KCNJ6: variants seen among roughly 807,000 people sequenced by gnomAD.
The protein encoded by KCNJ6 is potassium inwardly rectifying channel subfamily J member 6, also known as G protein-activated inward rectifier potassium channel 2.
Under a neutral mutation model 34.2 loss-of-function variants are expected in KCNJ6, and 9 were observed. That is an observed-to-expected ratio of 0.26 (90% CI 0.16 to 0.46). The LOEUF (loss-of-function observed/expected upper bound fraction) is 0.46. KCNJ6 is among the 20% of genes least tolerant of loss of function. The probability of loss-of-function intolerance (pLI) is 1.00; values close to 1 mark genes in which losing one functional copy is unlikely to be tolerated. For synonymous variants in KCNJ6, 196 were observed against 207.1 expected, an observed-to-expected ratio of 0.95 and a Z score of 0.46; for missense variants, 236 against 531.3, an observed-to-expected ratio of 0.44 and a Z score of 5.46.
chr21:37,888,983 G>A (rs2123632361), intron 1 of KCNJ6, among the ~76,000 whole-genome samples: 1 of 152,276 alleles, frequency 6.6e-6, no homozygotes, highest in African/African-American at 2.4e-5. Context: ...CCAGAAGCCT[G>A]CTTCCTCTCT....
intron 1 of KCNJ6, among the ~76,000 whole-genome samples, chr21:37,859,499 A>ATATATATG (rs2055582821): frequency 4.7e-5 from 1 of 21,352 alleles, no homozygotes; most frequent in African/African-American, 1.5e-4. Flanking sequence ...ATATATATAT[A>ATATATATG]TATATATATA....
At chr21:37,712,884 A>G (rs1413372307) in intron 3 of KCNJ6, among the ~76,000 whole-genome samples, 1 of 151,514 alleles carries the variant, frequency 6.6e-6, no homozygotes, top group Non-Finnish European at 1.5e-5. Context: ...TAACACCTGG[A>G]GCACTTATGT....
intron 1 of KCNJ6, among the ~76,000 whole-genome samples, chr21:37,909,762 T>C (rs995829560): frequency 1.3e-5 from 2 of 152,222 alleles, no homozygotes; most frequent in African/African-American, 4.8e-5. Flanking sequence ...TATTATTTTA[T>C]GATAGGGAAA....
intron 3 of KCNJ6, among the ~76,000 whole-genome samples, chr21:37,643,697 A>G (rs2123379692): frequency 6.6e-6 from 1 of 152,280 alleles, no homozygotes; most frequent in East Asian, 1.9e-4. Context: ...GTCTCCCACA[A>G]TCCCCTGTGA....
intron 3 of KCNJ6, among the ~76,000 whole-genome samples, chr21:37,658,829 G>T (rs920440270): frequency 1.3e-5 from 2 of 152,196 alleles, no homozygotes; most frequent in African/African-American, 2.4e-5. Flanking sequence ...GGAGCCCAGG[G>T]CTACCCAGAT....
intron 2 of KCNJ6, among the ~76,000 whole-genome samples, chr21:37,727,458 C>T (rs1421019026): frequency 5.4e-5 from 8 of 148,136 alleles, no homozygotes; most frequent in East Asian, 3.9e-4. Flanking sequence ...TGAGGACTCA[C>T]GTGTGTGTGT....
At chr21:37,628,859 A>G (rs1409053055) in intron 3 of KCNJ6, among the ~76,000 whole-genome samples, 2 of 152,228 alleles carry the variant, frequency 1.3e-5, no homozygotes, top group Non-Finnish European at 2.9e-5. Flanking sequence ...ATTAGAAACC[A>G]TGGAAGCCAG....
intron 1 of KCNJ6, among the ~76,000 whole-genome samples, chr21:37,847,479 G>A (rs1027372880): frequency 6.6e-6 from 1 of 152,204 alleles, no homozygotes; most frequent in Non-Finnish European, 1.5e-5. Context: ...CATGCTGAAG[G>A]CAGCAGTGAG....
chr21:37,771,992 C>T lies in KCNJ6; in HGVS notation c.26-56861G>A, dbSNP rs566551238. Among the ~76,000 whole-genome samples the T allele has an allele frequency of 5.3e-5, 8 of 152,188 alleles. No homozygotes were observed. The South Asian group carries it at 8.3e-4, about 16-fold the overall frequency. ...GAACGATGTTTTCCCCTTCTGGGGA[C>T]TGCAACATGAAAATTGCATGAAATA... On this transcript the variant is annotated intron_variant, in intron 2 of 3. Transcript: ENST00000609713.
intron 3 of KCNJ6, among the ~76,000 whole-genome samples, chr21:37,653,345 G>A (rs1245865167): frequency 1.3e-5 from 2 of 152,198 alleles, no homozygotes; most frequent in Non-Finnish European, 2.9e-5. Flanking sequence ...GATGGAGACT[G>A]TGGTTGAAGT....
chr21:37,699,150 T>C (rs1419488503), intron 3 of KCNJ6, among the ~76,000 whole-genome samples: 3 of 152,230 alleles, frequency 2.0e-5, no homozygotes, highest in African/African-American at 7.2e-5. Context: ...ATATTTACAA[T>C]CTGGCCTTTT....
At chr21:37,665,665 A>G (rs1008881449) in intron 3 of KCNJ6, among the ~76,000 whole-genome samples, 2 of 152,236 alleles carry the variant, frequency 1.3e-5, no homozygotes, top group Non-Finnish European at 2.9e-5. Context: ...GGGAGGAACA[A>G]GACTAAAATA....
At chr21:37,840,131 G>C (rs2055472990) in intron 2 of KCNJ6, among the ~76,000 whole-genome samples, 1 of 152,138 alleles carries the variant, frequency 6.6e-6, no homozygotes, top group Non-Finnish European at 1.5e-5. Flanking sequence ...TGTGTATCCT[G>C]TTTATTTAGC....
intron 3 of KCNJ6, among the ~76,000 whole-genome samples, chr21:37,676,798 C>A (rs921955811): frequency 6.6e-6 from 1 of 152,214 alleles, no homozygotes; most frequent in Non-Finnish European, 1.5e-5. Context: ...GCTTGCAAGG[C>A]GCAGGATGGC....
At chr21:37,653,236 T>C (rs1011017478) in intron 3 of KCNJ6, among the ~76,000 whole-genome samples, 3 of 152,192 alleles carry the variant, frequency 2.0e-5, no homozygotes, top group Non-Finnish European at 4.4e-5. Flanking sequence ...ATTCATGGAC[T>C]AGAGCTGGAT....
At position 37,675,726 on chromosome 21, in the gene KCNJ6, C is replaced by G. The variant is rs536542347; in HGVS notation, c.946+38485G>C. 2.0e-5 allele frequency among the ~76,000 whole-genome samples: 3 copies of G among 152,234 alleles called. No homozygotes were observed. Among genetic ancestry groups the G allele is most frequent in the African/African-American group, 7.2e-5 (3 of 41,468 alleles). ...GCAATTTCAAACCAGCAAGCAGGCT[C>G]TTATAGACTCTTACACCAAAAGAAG... On this transcript the variant is annotated intron_variant, in intron 3 of 3. Coordinates refer to ENST00000609713, the MANE Select transcript of KCNJ6 (RefSeq NM_002240.5). The surrounding 1 kb of genome is among the most constrained non-coding windows in gnomAD (Gnocchi z 4.2).
At chr21:37,895,943 T>G (rs8129611) in intron 1 of KCNJ6, among the ~76,000 whole-genome samples, 48,702 of 152,132 alleles carry the variant, frequency 0.32, 9,573 homozygotes, top group East Asian at 0.69. Flanking sequence ...ACGCCGTTCT[T>G]GGACTGCTAT....
chr21:37,656,222 G>C (rs2054463332), intron 3 of KCNJ6, among the ~76,000 whole-genome samples: 1 of 152,156 alleles, frequency 6.6e-6, no homozygotes, highest in Non-Finnish European at 1.5e-5. Context: ...CTGACTCCTG[G>C]CTCTAGTGCT....
At chr21:37,712,382 G>A (rs1022708420) in intron 3 of KCNJ6, among the ~76,000 whole-genome samples, 1 of 151,966 alleles carries the variant, frequency 6.6e-6, no homozygotes, top group Non-Finnish European at 1.5e-5. Flanking sequence ...CTGAGGTTGG[G>A]GAAGTTTCTG....
Sources: allele counts gnomAD v4.1 joint callset (sites outside exome capture counted in the v4.1 genomes callset), GRCh38; gene constraint gnomAD v4.1.1; non-coding constraint Gnocchi (gnomAD v3.1); transcripts MANE v1.5; gene names NCBI Gene and HGNC (gene_info 2026-07-23, HGNC 2026-07-21).